RUVBL1: variants seen among roughly 807,000 people sequenced by gnomAD.
RUVBL1 encodes ruvB-like 1.
In RUVBL1, 4 loss-of-function variants were observed where a neutral mutation model predicts 52.4. The observed-to-expected ratio is 0.08, with a 90% CI of 0.04 to 0.17. RUVBL1 has a LOEUF of 0.17. RUVBL1 is among the 10% of genes least tolerant of loss of function. The probability of loss-of-function intolerance (pLI) is 1.00; values close to 1 mark genes in which losing one functional copy is unlikely to be tolerated. For synonymous variants in RUVBL1, 217 were observed against 214.4 expected, an observed-to-expected ratio of 1.01 and a Z score of -0.10; for missense variants, 298 against 572.8, an observed-to-expected ratio of 0.52 and a Z score of 4.90.
upstream of RUVBL1, among the ~76,000 whole-genome samples, chr3:128,126,244 C>T (rs111672113): frequency 8.8e-4 from 133 of 150,894 alleles, 1 homozygote; most frequent in African/African-American, 3.2e-3. Flanking sequence ...TGCTAAATAA[C>T]AGTTCAAACA....
chr3:128,152,759 C>T (rs917806536), intron 1 of RUVBL1, among the ~76,000 whole-genome samples: 5 of 152,250 alleles, frequency 3.3e-5, no homozygotes, highest in African/African-American at 1.2e-4. Context: ...AAAGATGGCA[C>T]AGTCCCAAAG....
exon 10 of RUVBL1, chr3:128,065,074 C>T: frequency 6.2e-7 from 1 of 1,608,858 alleles, no homozygotes; most frequent in Non-Finnish European, 8.5e-7. Context: ...TTTCCATGGT[C>T]TGGATTTAAG....
chr3:128,077,088 CG>C (rs1942354774), downstream of RUVBL1, among the ~76,000 whole-genome samples: 1 of 151,776 alleles, frequency 6.6e-6, no homozygotes, highest in Admixed American at 6.6e-5. Flanking sequence ...GGCCCCTGCC[CG>C]GGGGTCAGCG....
chr3:128,123,719 C>G lies in RUVBL1; in HGVS notation c.6G>C (p.Lys2Asn), dbSNP rs1943715280. 1 of 1,599,448 alleles carries G rather than the reference C, an allele frequency of 6.3e-7. No homozygotes were observed. Among genetic ancestry groups the G allele is most frequent in the African/African-American group, 1.3e-5 (1 of 74,694 alleles). MKIEEVKSTTKT... is the reference protein window; with the variant it reads MNIEEVKSTTKT... The stretch of plus-strand genomic sequence containing the variant: ...TCGTAGTGCTCTTCACCTCCTCAAT[C>G]TTCATTTTGCAGACGCCGGGAGCTA... The change falls in exon 1 of 11, where the codon AAG becomes AAC. Residue 2 changes from lysine (K) to asparagine (N), a missense_variant. Around this residue, in one of 5 missense-constraint regions of RUVBL1, gnomAD observed 71 missense variants for 125.7 expected, o/e 0.57. Coordinates refer to ENST00000322623, the MANE Select transcript of RUVBL1 (RefSeq NM_003707.3).
At chr3:128,103,803 T>C (rs1300567896) in intron 4 of RUVBL1, among the ~76,000 whole-genome samples, 1 of 152,130 alleles carries the variant, frequency 6.6e-6, no homozygotes, top group African/African-American at 2.4e-5. Context: ...CATATACACA[T>C]ATAAAGTTAT....
chr3:128,117,744 A>C (rs1943559989), intron 2 of RUVBL1, among the ~76,000 whole-genome samples: 2 of 152,006 alleles, frequency 1.3e-5, no homozygotes, highest in African/African-American at 2.4e-5. Flanking sequence ...AATTTTCCAG[A>C]ATTGAGCAGA....
At chr3:128,066,747 T>C in intron 9 of RUVBL1, 1 of 580,256 alleles carries the variant, frequency 1.7e-6, no homozygotes, top group African/African-American at 1.9e-5. Context: ...TAAACCAGCT[T>C]TTCTGGGCCC....
intron 2 of RUVBL1, among the ~76,000 whole-genome samples, chr3:128,117,125 T>C (rs1943542235): frequency 2.0e-5 from 3 of 152,180 alleles, no homozygotes; most frequent in Non-Finnish European, 4.4e-5. Context: ...TTCCAAACTT[T>C]TCAAAATGAA....
chr3:128,101,242 T>C (rs926153854), intron 5 of RUVBL1, among the ~76,000 whole-genome samples: 1 of 152,210 alleles, frequency 6.6e-6, no homozygotes, highest in African/African-American at 2.4e-5. Context: ...GAAGATTAAA[T>C]ACACTGCACA....
chr3:128,130,953 A>AT (rs1273494652), intron 1 of RUVBL1, among the ~76,000 whole-genome samples: 3 of 150,530 alleles, frequency 2.0e-5, no homozygotes, highest in African/African-American at 7.3e-5. Flanking sequence ...CCCGGCCTTT[A>AT]TTTTTTTTCA....
exon 1 of RUVBL1, chr3:128,153,900 A>T: frequency 1.4e-6 from 2 of 1,423,448 alleles, no homozygotes; most frequent in Non-Finnish European, 1.8e-6. Context: ...AATTCGCTCG[A>T]GCCTTTGCCG....
rs564592797 is a variant in RUVBL1, at chr3:128,067,690, T to A, written c.940-2470A>T. 8.6e-7 allele frequency: 1 copy of A among 1,163,282 alleles called. No homozygotes were observed. The highest frequency in any genetic ancestry group is 1.5e-5 in the African/African-American group (1 of 65,378). The allele number at this position is 1,163,282 out of a possible 1,614,324, so 72.1% of individuals were successfully genotyped here. A position where few individuals can be genotyped will look rare whatever the true frequency, so the allele number is the denominator to read the frequency against. On this transcript the variant is annotated intron_variant, in intron 9 of 9. Coordinates refer to the RUVBL1 transcript ENST00000464873. The surrounding 1 kb of genome is among the most constrained non-coding windows in gnomAD (Gnocchi z 4.1). ...GGGGTGTGGACTTGTCACCTCATCA[T>A]AAATAATGGTCTGTGACGTGTGCAG...
intron 1 of RUVBL1, among the ~76,000 whole-genome samples, chr3:128,135,135 G>T (rs1185432371): frequency 1.3e-5 from 2 of 152,168 alleles, no homozygotes; most frequent in Admixed American, 1.3e-4. Flanking sequence ...AAAGCAGCAA[G>T]AGAAAAGAAA....
intron 1 of RUVBL1, among the ~76,000 whole-genome samples, chr3:128,120,677 T>C (rs1418301523): frequency 6.6e-6 from 1 of 152,182 alleles, no homozygotes; most frequent in Non-Finnish European, 1.5e-5. Flanking sequence ...ATACATCTTA[T>C]CTCTTCTACC....
chr3:128,104,405 T>C (rs1943176208), intron 4 of RUVBL1, among the ~76,000 whole-genome samples: 1 of 152,226 alleles, frequency 6.6e-6, no homozygotes, highest in South Asian at 2.1e-4. Context: ...TCTATGAGCA[T>C]GGGCACTGAT....
chr3:128,147,510 G>T (rs1229174822), intron 1 of RUVBL1, among the ~76,000 whole-genome samples: 1 of 152,182 alleles, frequency 6.6e-6, no homozygotes, highest in African/African-American at 2.4e-5. Context: ...GTTTGAAACT[G>T]CAGTGAGCTA....
At chr3:128,113,120 A>ATC (rs2107707461) in intron 2 of RUVBL1, 100 bp from the exon 3 acceptor site, 1 of 1,329,754 alleles carries the variant, frequency 7.5e-7, no homozygotes, top group Non-Finnish European at 1.0e-6. Context: ...ACAGCTGAAC[A>ATC]TCTAGTCCTA....
At chr3:128,069,820 T>C in intron 9 of RUVBL1, 1 of 721,982 alleles carries the variant, frequency 1.4e-6, no homozygotes, top group African/African-American at 1.8e-5. Flanking sequence ...CATTTTCCAA[T>C]TTAAAATTTT....
upstream of RUVBL1, chr3:128,123,896 C>T: frequency 1.6e-6 from 2 of 1,258,782 alleles, no homozygotes; most frequent in Non-Finnish European, 2.0e-6. Flanking sequence ...CTCACGGCTG[C>T]GCCCATCGCG....
Sources: gnomAD v4.1 joint callset for allele counts (sites outside exome capture counted in the v4.1 genomes callset) on GRCh38, gnomAD v4.1.1 for gene constraint, gnomAD v4.1.1 regional missense constraint, Gnocchi (gnomAD v3.1) non-coding constraint, MANE v1.5 for transcripts, NCBI Gene and HGNC (gene_info 2026-07-23, HGNC 2026-07-21) for gene names.